The following RTN4 variants were observed in gnomAD, a reference collection of about 807,000 sequenced individuals.
The protein encoded by RTN4 is reticulon 4, also known as reticulon-4.
In RTN4, 32 loss-of-function variants were observed where a neutral mutation model predicts 90.4. The observed-to-expected ratio is 0.35, with a 90% confidence interval of 0.27 to 0.48. The LOEUF (loss-of-function observed/expected upper bound fraction) is 0.48, where lower values mean the gene tolerates loss of function less well. Ranked by LOEUF, RTN4 falls within the 20% of genes least tolerant of loss-of-function variation. The pLI is 0.99. For missense variants in RTN4, 1,706 were observed against 1,430.2 expected (o/e 1.19, Z -3.11); for synonymous variants, 629 against 552.5 (o/e 1.14, Z -1.94).
rs70947003 is a variant in RTN4, at chr2:55,064,349, C to CTTTTTT, written c.-63+16134_-63+16139dup. ...TATTTAAAATGATAACACAAACATTCTTTTTTTTTTTTTTTTTGAGACAGA... is the reference window on the plus strand; with the variant it reads ...TATTTAAAATGATAACACAAACATTCTTTTTTTTTTTTTTTTTTTTTTTGAGACAGA... On this transcript the variant is annotated intron_variant, in intron 2 of 3. Transcript: ENST00000427710. 2.2e-3 allele frequency among the ~76,000 whole-genome samples: 291 copies of CTTTTTT among 133,378 alleles called. 6 individuals carry two copies. Among genetic ancestry groups the CTTTTTT allele is most frequent in the Middle Eastern group, 4.1e-3 (1 of 242 alleles). 87.5% of individuals were successfully genotyped at this position (133,378 alleles called of 152,430 possible). A position where few individuals can be genotyped will look rare whatever the true frequency, so the allele number is the denominator to read the frequency against.
intron 2 of RTN4, among the ~76,000 whole-genome samples, chr2:55,065,033 T>C (rs1407100793): frequency 6.6e-6 from 1 of 152,208 alleles, no homozygotes; most frequent in Non-Finnish European, 1.5e-5. Context: ...AGTAAGCATA[T>C]GCTGGAAAGA....
At position 54,981,938 on chromosome 2, in the gene RTN4, A is replaced by C. The variant is rs983849395; in HGVS notation, c.3360+577T>G. On this transcript the variant is annotated intron_variant, in intron 5 of 8. Coordinates refer to ENST00000337526, the MANE Select transcript of RTN4 (RefSeq NM_020532.5). Reference sequence around the variant, plus strand: ...TTCCTTTTAATCTTTATGATTTCCGAAAGTATTACTATATATATATATAAT... The same window carrying C: ...TTCCTTTTAATCTTTATGATTTCCGCAAGTATTACTATATATATATATAAT... 2.6e-5 allele frequency among the ~76,000 whole-genome samples: 4 copies of C among 151,658 alleles called. No homozygotes were observed. In the East Asian group the frequency reaches 7.7e-4, roughly 29 times the overall value.
chr2:55,126,153 C>G, the RTN4 span, among the ~76,000 whole-genome samples: 1 of 151,298 alleles, frequency 6.6e-6, no homozygotes, highest in African/African-American at 2.4e-5. Flanking sequence ...CACCTGAGGT[C>G]AAGAGTTTGA....
At chr2:55,071,090 T>C (rs72795460) in intron 2 of RTN4, among the ~76,000 whole-genome samples, 9,281 of 150,868 alleles carry the variant, frequency 0.062, 344 homozygotes, top group South Asian at 0.15. Context: ...TTTTCTTCTT[T>C]TTTTTTTTTT....
At chr2:55,024,096 C>T (rs1182653082) in intron 3 of RTN4, among the ~76,000 whole-genome samples, 2 of 152,012 alleles carry the variant, frequency 1.3e-5, no homozygotes, top group African/African-American at 4.8e-5. Context: ...TTGTATCTTC[C>T]CTCTTAAACC....
At chr2:54,990,028 T>C (rs1393026426) in intron 3 of RTN4, among the ~76,000 whole-genome samples, 1 of 152,162 alleles carries the variant, frequency 6.6e-6, no homozygotes, top group Non-Finnish European at 1.5e-5. Context: ...ACAGAAAACT[T>C]AGGTTCTATA....
intron 2 of RTN4, among the ~76,000 whole-genome samples, chr2:55,076,562 G>A (rs1437748473): frequency 6.6e-6 from 1 of 151,954 alleles, no homozygotes; most frequent in Non-Finnish European, 1.5e-5. Flanking sequence ...ACCACGCTGA[G>A]CTAATTTTTG....
chr2:54,979,993 A>G (rs1677984964), intron 5 of RTN4, among the ~76,000 whole-genome samples: 1 of 152,146 alleles, frequency 6.6e-6, no homozygotes, highest in South Asian at 2.1e-4. Flanking sequence ...ATTTTAATGA[A>G]AGTCCTTTTT....
At chr2:55,137,445 C>A in the RTN4 span, among the ~76,000 whole-genome samples, 1 of 152,154 alleles carries the variant, frequency 6.6e-6, no homozygotes, top group Admixed American at 6.5e-5. Context: ...TGGACCACGT[C>A]AGTGGGAATA....
intron 1 of RTN4, among the ~76,000 whole-genome samples, chr2:55,102,182 G>A (rs1000639797): frequency 3.9e-5 from 6 of 152,084 alleles, no homozygotes; most frequent in Admixed American, 3.9e-4. Context: ...GTTCTTTGGA[G>A]CAGATGACGA....
the RTN4 span, among the ~76,000 whole-genome samples, chr2:55,130,185 G>A: frequency 3.3e-5 from 5 of 152,202 alleles, no homozygotes; most frequent in South Asian, 2.1e-4. Context: ...GAAAGACTAC[G>A]TTGTTCACTG....
Position 55,026,482 on chromosome 2 carries a change from A to C in RTN4, c.1617T>G (p.Thr539=). 6.2e-7 allele frequency: 1 copy of C among 1,613,950 alleles called. No individual in the cohort carries two copies. The highest frequency in any genetic ancestry group is 8.5e-7 in the Non-Finnish European group (1 of 1,179,898). ...CAGGCATGTTTGCCACGACTTCCTC[A>C]GTCACCTTTGTTAAATTATCTGTTG... is the stretch of plus-strand genomic sequence containing the variant. ...YVTTDNLTKV[T]EEVVANMPEG... is the part of the protein sequence containing the mutation. Residue 539 remains threonine, a synonymous_variant, in exon 3 of 9, where the codon ACT becomes ACG. Transcript: ENST00000337526.
At chr2:54,995,729 A>G (rs1403934999) in intron 3 of RTN4, among the ~76,000 whole-genome samples, 1 of 151,858 alleles carries the variant, frequency 6.6e-6, no homozygotes, top group Non-Finnish European at 1.5e-5. Flanking sequence ...ACACCCCCAC[A>G]CTCATTATGA....
chr2:55,094,232 C>T (rs2105048101), intron 1 of RTN4, among the ~76,000 whole-genome samples: 1 of 152,234 alleles, frequency 6.6e-6, no homozygotes, highest in South Asian at 2.1e-4. Context: ...CATGAGGACA[C>T]AGTGAGAAGG....
Position 54,979,381 on chromosome 2 carries a change from A to G in RTN4, c.3360+3134T>C, listed in dbSNP as rs1458957391. ...CCAGGAAAACCTTCTTCTTTTTAAA[A>G]TGCTCTCTATATAAACAAAAACTGT... On this transcript the variant is annotated intron_variant, in intron 5 of 8. Coordinates refer to ENST00000337526, the MANE Select transcript of RTN4 (RefSeq NM_020532.5). 2.0e-5 allele frequency among the ~76,000 whole-genome samples: 3 copies of G among 152,308 alleles called. No individual in the cohort carries two copies. The South Asian group carries it at 6.2e-4, about 32-fold the overall frequency.
the RTN4 span, among the ~76,000 whole-genome samples, chr2:55,127,298 G>A: frequency 6.6e-6 from 1 of 152,224 alleles, no homozygotes; most frequent in South Asian, 2.1e-4. Context: ...AGGCTGACAA[G>A]ATGATCACCT....
upstream of RTN4, among the ~76,000 whole-genome samples, chr2:55,051,109 CAGTT>C (rs1225647853): frequency 2.0e-5 from 3 of 152,180 alleles, no homozygotes; most frequent in South Asian, 2.1e-4. Flanking sequence ...TGTTTTTTGA[CAGTT>C]AGGCTCACTC....
intron 2 of RTN4, among the ~76,000 whole-genome samples, chr2:55,067,161 C>G (rs1668408554): frequency 1.3e-5 from 2 of 152,264 alleles, no homozygotes; most frequent in South Asian, 4.1e-4. Context: ...ATGTCCAGCT[C>G]TGTCACTGGC....
rs1668018515 is a variant in RTN4 at position 55,050,087 on chromosome 2, G to A, written c.214C>T (p.Pro72Ser). 3 of 1,467,818 alleles carry A rather than the reference G, an allele frequency of 2.0e-6. No homozygotes were observed. Among genetic ancestry groups the A allele is most frequent in the African/African-American group, 1.5e-5 (1 of 68,672 alleles). The allele number at this position is 1,467,818 out of a possible 1,614,324, so 90.9% of individuals were successfully genotyped here. The part of the protein sequence containing the change: ...GLSAAPVPTA[P>S]AAGAPLMDFG... Reference sequence around the variant, plus strand: ...TCCATCAGGGGCGCGCCGGCGGCAGGGGCGGTGGGCACTGGGGCCGCGGAC... The same window carrying A: ...TCCATCAGGGGCGCGCCGGCGGCAGAGGCGGTGGGCACTGGGGCCGCGGAC... Residue 72 changes from proline to serine, a missense_variant, in exon 1 of 9, where the codon CCT becomes TCT. Physicochemically the swap from Pro to Ser is moderately conservative, Grantham distance 74. Transcript: ENST00000337526. The surrounding 1 kb of genome is among the most constrained non-coding windows in gnomAD (Gnocchi z 4.6).
Sources: gnomAD v4.1 joint callset for allele counts (sites outside exome capture counted in the v4.1 genomes callset) on GRCh38, gnomAD v4.1.1 for gene constraint, Gnocchi (gnomAD v3.1) non-coding constraint, MANE v1.5 for transcripts, NCBI Gene and HGNC (gene_info 2026-07-23, HGNC 2026-07-21) for gene names.